Variants in TXNRD1 observed in about 807,000 individuals in gnomAD.
TXNRD1 encodes thioredoxin reductase 1.
A neutral mutation model predicts 80.3 loss-of-function variants in TXNRD1; 57 were observed. The ratio of observed to expected loss-of-function variants is 0.71; its 90% CI spans 0.57 to 0.89. TXNRD1 has a LOEUF of 0.89. Among genes scored for constraint, TXNRD1 ranks in the 40% least tolerant of loss-of-function variants. TXNRD1 has a pLI of 0.00. For missense variants in TXNRD1, 730 were observed against 803.0 expected (o/e 0.91, Z 1.10); for synonymous variants, 291 against 285.2 (o/e 1.02, Z -0.20).
chr12:104,327,148 C>T (rs980172593), intron 12 of TXNRD1, among the ~76,000 whole-genome samples: 1 of 152,146 alleles, frequency 6.6e-6, no homozygotes, highest in African/African-American at 2.4e-5. Context: ...TTGAGCTCTT[C>T]AACTATGAAG....
At chr12:104,346,347 T>C (rs894922307) in intron 16 of TXNRD1, among the ~76,000 whole-genome samples, 4 of 152,202 alleles carry the variant, frequency 2.6e-5, no homozygotes, top group Admixed American at 1.3e-4. Context: ...GATGGCAGTT[T>C]GGCTTCCTCC....
intron 1 of TXNRD1, among the ~76,000 whole-genome samples, chr12:104,245,678 C>CATTTGAGTA (rs2032969458): frequency 1.4e-5 from 2 of 143,066 alleles, no homozygotes; most frequent in Non-Finnish European, 3.0e-5. Context: ...AAAGTATGGC[C>CATTTGAGTA]ATTTGAGTAG....
chr12:104,253,600 T>C (rs2033177264), intron 2 of TXNRD1, among the ~76,000 whole-genome samples: 1 of 152,136 alleles, frequency 6.6e-6, no homozygotes, highest in South Asian at 2.1e-4. Flanking sequence ...TCTTATCTGC[T>C]TTTGGGACCT....
chr12:104,245,648 CA>C (rs149083903), intron 1 of TXNRD1, among the ~76,000 whole-genome samples: 7,673 of 108,698 alleles, frequency 0.071, 334 homozygotes, highest in Middle Eastern at 0.16. Flanking sequence ...GACCCTGTCT[CA>C]AAAAAAAAAA....
rs915483726 is a variant in TXNRD1, at chr12:104,335,338, A to T, written c.1746+1006A>T. Among the ~76,000 whole-genome samples the T allele has an allele frequency of 3.9e-4, 59 of 151,564 alleles. 1 individual carries two copies. Among genetic ancestry groups the T allele is most frequent in the African/African-American group, 1.2e-3 (51 of 41,276 alleles). On this transcript the variant is annotated intron_variant, in intron 15 of 16. Transcript: ENST00000525566. ...TGCCTCAGCCTCCCAAGTAGCTGGG[A>T]TTACAGGCACCCACCACCATGCCCA...
intron 15 of TXNRD1, among the ~76,000 whole-genome samples, chr12:104,335,657 T>A (rs1273863639): frequency 2.0e-5 from 3 of 151,996 alleles, no homozygotes. Context: ...ATACACACAC[T>A]CTCTTTAATA....
chr12:104,267,702 TCTCTTTC>T (rs1339580140), intron 3 of TXNRD1, among the ~76,000 whole-genome samples: 2 of 60,906 alleles, frequency 3.3e-5, no homozygotes, highest in African/African-American at 1.2e-4. Flanking sequence ...TCTTTCTTTC[TCTCTTTC>T]TTTCTTTCTT....
intron 1 of TXNRD1, among the ~76,000 whole-genome samples, chr12:104,217,836 G>A (rs1444247816): frequency 2.0e-5 from 3 of 152,050 alleles, no homozygotes; most frequent in Non-Finnish European, 4.4e-5. Flanking sequence ...ATCATACAGT[G>A]TCTGTCTTTT....
intron 3 of TXNRD1, among the ~76,000 whole-genome samples, chr12:104,267,241 CTCTTTCTT>C (rs58393490): frequency 9.3e-5 from 8 of 85,750 alleles, no homozygotes; most frequent in South Asian, 4.6e-4. Flanking sequence ...ATTTTCTTTT[CTCTTTCTT>C]TCTTTCTTTC....
chr12:104,337,849 T>C (rs894752865), intron 15 of TXNRD1, among the ~76,000 whole-genome samples: 1 of 151,818 alleles, frequency 6.6e-6, no homozygotes, highest in Middle Eastern at 3.4e-3. Context: ...TGCAGTGGTG[T>C]GATCATAGCT....
chr12:104,332,754 A>G (rs956132976), intron 14 of TXNRD1, among the ~76,000 whole-genome samples: 43 of 150,426 alleles, frequency 2.9e-4, no homozygotes, highest in Middle Eastern at 3.5e-3. Flanking sequence ...CGTCTCAAAA[A>G]AAAAAAAAAA....
Position 104,276,855 on chromosome 12 carries a change from G to A in TXNRD1, c.305-12076G>A, listed in dbSNP as rs1297413666. On this transcript the variant is annotated intron_variant, in intron 3 of 16. Coordinates refer to ENST00000525566, the MANE Select transcript of TXNRD1 (RefSeq NM_001093771.3). ...ATCCCAAAGGGTTATTGAGATGACT[G>A]AGAACATGTAAAGTTCCTGGCACAG... Among the ~76,000 whole-genome samples the A allele has an allele frequency of 2.0e-5, 3 of 152,208 alleles. No homozygotes were observed. In the East Asian group the frequency reaches 5.8e-4, roughly 29 times the overall value.
At chr12:104,348,293 T>C (rs375922312) in intron 16 of TXNRD1, 60 bp from the exon 17 acceptor site, 276 of 1,535,244 alleles carry the variant, frequency 1.8e-4, no homozygotes, top group Non-Finnish European at 2.3e-4. Flanking sequence ...ATCTGAACTG[T>C]TCCCTGTTAC....
In TXNRD1 at chr12:104,246,673, CCA is replaced by C. The variant is rs374076638; in HGVS notation, c.92-4852_92-4851del. ...GAGTAGCTGGGATTACAGGCGTGCA[CCA>C]CCATACCCAGCTAATTTTTGTATTT... On this transcript the variant is annotated intron_variant, in intron 1 of 16. Transcript: ENST00000525566. 4.7e-4 allele frequency among the ~76,000 whole-genome samples: 71 copies of C among 151,426 alleles called. 1 individual carries two copies. In the East Asian group the frequency reaches 0.011, roughly 23 times the overall value.
chr12:104,240,963 G>C (rs1357071308), intron 1 of TXNRD1, among the ~76,000 whole-genome samples: 5 of 151,050 alleles, frequency 3.3e-5, no homozygotes, highest in African/African-American at 9.7e-5. Context: ...GGATGGTCTC[G>C]ATCTCCTGAC....
At chr12:104,312,652 A>G (rs34343153) in intron 5 of TXNRD1, among the ~76,000 whole-genome samples, 2 of 152,226 alleles carry the variant, frequency 1.3e-5, no homozygotes, top group African/African-American at 4.8e-5. Context: ...CTGCAAAACA[A>G]ACTTCTAACT....
intron 3 of TXNRD1, chr12:104,287,133 C>T (rs2033995208): frequency 7.3e-6 from 11 of 1,515,350 alleles, no homozygotes; most frequent in Admixed American, 2.2e-5. Context: ...CGGGTGAAAC[C>T]AGACAAAGCC....
At chr12:104,304,818 A>C (rs1269358729) in intron 4 of TXNRD1, 2 of 1,614,022 alleles carry the variant, frequency 1.2e-6, no homozygotes, top group Admixed American at 3.3e-5. Context: ...GGTGAGGGAA[A>C]TGATTCCAGT....
At chr12:104,280,454 G>A (rs1341680401) in intron 3 of TXNRD1, 1 of 152,168 alleles carries the variant, frequency 6.6e-6, no homozygotes, top group Non-Finnish European at 1.5e-5. Context: ...AGCGTGCCAG[G>A]GCTCTGTCCT....
Sources: allele counts gnomAD v4.1 joint callset (sites outside exome capture counted in the v4.1 genomes callset), GRCh38; gene constraint gnomAD v4.1.1; transcripts MANE v1.5; gene names NCBI Gene and HGNC (gene_info 2026-07-23, HGNC 2026-07-21).